The following KSR2 variants were observed in gnomAD, a reference collection of about 807,000 sequenced individuals.
The protein encoded by KSR2 is kinase suppressor of ras 2.
A neutral mutation model predicts 107.8 loss-of-function variants in KSR2; 25 were observed. The observed-to-expected ratio is 0.23, with a 90% CI of 0.17 to 0.32. KSR2 has a LOEUF of 0.32. KSR2 is among the 10% of genes least tolerant of loss of function. The pLI is 1.00. For synonymous variants in KSR2, 480 were observed against 507.0 expected (o/e 0.95, Z 0.71); for missense variants, 887 against 1,268.9 (o/e 0.70, Z 4.57).
At chr12:117,679,017 T>C (rs1457626796) in intron 4 of KSR2, among the ~76,000 whole-genome samples, 7 of 152,176 alleles carry the variant, frequency 4.6e-5, no homozygotes, top group Non-Finnish European at 8.8e-5. Context: ...GTATTGTCTC[T>C]AGTAAATTTC....
chr12:117,496,052 CAAAAAAAAAAAA>C (rs33974181), intron 14 of KSR2, among the ~76,000 whole-genome samples: 2 of 113,226 alleles, frequency 1.8e-5, no homozygotes, highest in Non-Finnish European at 3.6e-5. Flanking sequence ...GACTCCGTCT[CAAAAAAAAAAAA>C]AAAAAAAAGA....
At chr12:117,821,862 C>T (rs923166017) in intron 3 of KSR2, among the ~76,000 whole-genome samples, 1 of 152,156 alleles carries the variant, frequency 6.6e-6, no homozygotes, top group Non-Finnish European at 1.5e-5. Context: ...AGAGCAACTC[C>T]ATCTTGAACA....
chr12:117,903,188 A>G (rs1894740947), intron 1 of KSR2, among the ~76,000 whole-genome samples: 1 of 152,184 alleles, frequency 6.6e-6, no homozygotes, highest in Admixed American at 6.5e-5. Flanking sequence ...GGTAAGAAAA[A>G]CTATAATTCA....
chr12:117,937,805 C>CA (rs148311682), intron 1 of KSR2, among the ~76,000 whole-genome samples: 13,170 of 121,188 alleles, frequency 0.11, 720 homozygotes, highest in Admixed American at 0.17. Flanking sequence ...ACTAAAAATA[C>CA]AAAAAAAAAA....
Position 117,465,392 on chromosome 12 carries a change from C to T in KSR2, c.*1807G>A, listed in dbSNP as rs1871097182. 6.6e-6 allele frequency: 1 copy of T among 152,208 alleles called. No individual in the cohort carries two copies. The highest frequency in any genetic ancestry group is 1.5e-5 in the Non-Finnish European group (1 of 68,060). The allele number at this position is 152,208 out of a possible 1,614,324, so 9.4% of individuals were successfully genotyped here. A position where few individuals can be genotyped will look rare whatever the true frequency, so the allele number is the denominator to read the frequency against. ...GCAGCCCAAGCCGGGGTCTTTAGTC[C>T]TCTAGTCCCAGTAAGCTGGGAGTGT... On this transcript the variant is annotated 3_prime_UTR_variant, in exon 20 of 20. Coordinates refer to ENST00000339824, the MANE Select transcript of KSR2 (RefSeq NM_173598.6).
chr12:117,491,817 T>C (rs11068514), intron 14 of KSR2, among the ~76,000 whole-genome samples: 15,668 of 152,218 alleles, frequency 0.1, 1,453 homozygotes, highest in African/African-American at 0.25. Flanking sequence ...GTTCTTAAAA[T>C]CCATCTTTTG....
chr12:117,768,169 T>C (rs1483433863), intron 3 of KSR2, among the ~76,000 whole-genome samples: 1 of 152,232 alleles, frequency 6.6e-6, no homozygotes. Context: ...CCTTGAGGCT[T>C]GGACCCCAAA....
At chr12:117,740,053 T>C (rs1338213580) in intron 4 of KSR2, among the ~76,000 whole-genome samples, 1 of 151,712 alleles carries the variant, frequency 6.6e-6, no homozygotes, top group East Asian at 1.9e-4. Context: ...CTGAACCCAA[T>C]TTGTAGTCTT....
intron 4 of KSR2, among the ~76,000 whole-genome samples, chr12:117,698,716 CA>C (rs1886173189): frequency 6.6e-6 from 1 of 152,176 alleles, no homozygotes; most frequent in African/African-American, 2.4e-5. Context: ...AACCCACTTC[CA>C]AACCCTGAAA....
At chr12:117,815,383 C>G (rs1183766765) in intron 3 of KSR2, among the ~76,000 whole-genome samples, 1 of 151,766 alleles carries the variant, frequency 6.6e-6, no homozygotes, top group African/African-American at 2.4e-5. Context: ...GAACAGTCTC[C>G]GTGATACATG....
rs373691916 is a variant in KSR2, at chr12:117,476,631, T to C, written c.2451-36A>G. ...AAAGCACAGGATGAGCTCTGTTTCA[T>C]AGCCCAGGGTGGACCAGTCCCCCTG... On this transcript the variant is annotated intron_variant, in intron 16 of 19. Transcript: ENST00000339824. The C allele has an allele frequency of 2.1e-5, 33 of 1,586,098 alleles. No individual in the cohort carries two copies. The African/African-American group carries it at 3.2e-4, about 15-fold the overall frequency.
At chr12:117,755,335 T>C (rs1232311590) in intron 4 of KSR2, among the ~76,000 whole-genome samples, 1 of 152,270 alleles carries the variant, frequency 6.6e-6, no homozygotes, top group Non-Finnish European at 1.5e-5. Context: ...AGCAAGCCTC[T>C]CGCTGCCACG....
chr12:117,470,148 T>A (rs1871354988), intron 18 of KSR2, among the ~76,000 whole-genome samples: 1 of 151,506 alleles, frequency 6.6e-6, no homozygotes. Flanking sequence ...CATCTATATA[T>A]CCACCCATCT....
At chr12:117,549,042 T>C (rs1158256154) in intron 9 of KSR2, among the ~76,000 whole-genome samples, 1 of 152,234 alleles carries the variant, frequency 6.6e-6, no homozygotes, top group African/African-American at 2.4e-5. Flanking sequence ...AAGGTTATGC[T>C]GTAGTTCATT....
At chr12:117,891,192 G>T (rs1227380207) in intron 1 of KSR2, among the ~76,000 whole-genome samples, 1 of 152,232 alleles carries the variant, frequency 6.6e-6, no homozygotes, top group East Asian at 1.9e-4. Context: ...AAGCCACGCA[G>T]ATCATATGAG....
rs1254292550 is a variant in KSR2 at position 117,656,981 on chromosome 12, G to GAGATATATATATAATAGGAT, written c.1171+10492_1171+10493insATCCTATTATATATATATCT. Among the ~76,000 whole-genome samples the GAGATATATATATAATAGGAT allele has an allele frequency of 4.5e-3, 446 of 98,120 alleles. 3 individuals are homozygous for GAGATATATATATAATAGGAT. Among genetic ancestry groups the GAGATATATATATAATAGGAT allele is most frequent in the East Asian group, 0.034 (110 of 3,222 alleles). The allele number at this position is 98,120 out of a possible 152,430, so 64.4% of individuals were successfully genotyped here. On this transcript the variant is annotated intron_variant, in intron 5 of 19. Transcript: ENST00000339824. Reference sequence around the variant, plus strand: ...ATAATAGGATATATATATATAATAGGATATATATATATATATATATATATA... The same window carrying GAGATATATATATAATAGGAT: ...ATAATAGGATATATATATATAATAGGAGATATATATATAATAGGATATATATATATATATATATATATATA...
chr12:117,829,917 C>T (rs1373982538), intron 3 of KSR2, among the ~76,000 whole-genome samples: 1 of 152,224 alleles, frequency 6.6e-6, no homozygotes, highest in African/African-American at 2.4e-5. Flanking sequence ...CTAAAGATAG[C>T]TGGCCAGCAT....
chr12:117,685,371 T>C (rs907495403), intron 4 of KSR2, among the ~76,000 whole-genome samples: 1 of 152,204 alleles, frequency 6.6e-6, no homozygotes, highest in Admixed American at 6.5e-5. Flanking sequence ...GGATGACTGA[T>C]TTTGGGCAGA....
chr12:117,563,780 C>T lies in KSR2; in HGVS notation c.1326-5207G>A, dbSNP rs555848127. Among the ~76,000 whole-genome samples, 8 of 152,184 alleles carry T rather than the reference C, an allele frequency of 5.3e-5. No homozygotes were observed. In the South Asian group the frequency reaches 1.5e-3, roughly 28 times the overall value. The stretch of plus-strand genomic sequence containing the variant: ...GTTGGTTGATGGATATTCCAGCCCC[C>T]TCTCTCATGGGTGGCATGACCCAGA... On this transcript the variant is annotated intron_variant, in intron 7 of 19. Coordinates refer to ENST00000339824, the MANE Select transcript of KSR2 (RefSeq NM_173598.6).
Sources: gnomAD v4.1 joint callset for allele counts (sites outside exome capture counted in the v4.1 genomes callset) on GRCh38, gnomAD v4.1.1 for gene constraint, MANE v1.5 for transcripts, NCBI Gene and HGNC (gene_info 2026-07-23, HGNC 2026-07-21) for gene names.